The following ADAMTS3 variants were observed in gnomAD, a reference collection of about 807,000 sequenced individuals.
ADAMTS3 encodes the protein A disintegrin and metalloproteinase with thrombospondin motifs 3.
In ADAMTS3, 73 loss-of-function variants were observed where a neutral mutation model predicts 129.0. That is an observed-to-expected ratio of 0.57 (90% CI 0.47 to 0.69). The LOEUF is 0.69. Among genes scored for constraint, ADAMTS3 ranks in the 30% least tolerant of loss-of-function variants. The pLI is 0.00. For synonymous variants in ADAMTS3, 477 were observed against 510.8 expected, an observed-to-expected ratio of 0.93 and a Z score of 0.89; for missense variants, 1,457 against 1,514.5, an observed-to-expected ratio of 0.96 and a Z score of 0.63.
intron 3 of ADAMTS3, among the ~76,000 whole-genome samples, chr4:72,437,953 T>C (rs1402664690): frequency 6.6e-6 from 1 of 151,600 alleles, no homozygotes; most frequent in African/African-American, 2.4e-5. Context: ...GAAAGATGAG[T>C]TTAGCTTGAT....
Position 72,298,289 on chromosome 4 carries a change from GT to G in ADAMTS3, c.2577del (p.Lys859AsnfsTer52). ...WALKSWSQCS[K>X]PCGGGFQYTK... ...GTTCAATGGTTACCTCCACCACAGG[GT>G]TTGGAACACTGAGACCAGCTCTTCA... On this transcript the variant is annotated frameshift_variant, in exon 18 of 22. Transcript: ENST00000286657. LOFTEE classifies it high-confidence loss of function. The G allele has an allele frequency of 1.2e-6, 2 of 1,612,316 alleles. No individual in the cohort carries two copies. The highest frequency in any genetic ancestry group is 1.7e-6 in the Non-Finnish European group (2 of 1,178,858).
intron 10 of ADAMTS3, among the ~76,000 whole-genome samples, chr4:72,317,640 C>G (rs1345765078): frequency 6.6e-6 from 1 of 152,104 alleles, no homozygotes; most frequent in Non-Finnish European, 1.5e-5. Flanking sequence ...TTAATCCTCA[C>G]ACCAATCTTA....
At chr4:72,395,780 T>C (rs1437626494) in intron 4 of ADAMTS3, among the ~76,000 whole-genome samples, 2 of 152,124 alleles carry the variant, frequency 1.3e-5, no homozygotes, top group Non-Finnish European at 2.9e-5. Flanking sequence ...ATAGGATGCA[T>C]GTTCCATAAT....
chr4:72,465,817 T>C (rs6838862), intron 3 of ADAMTS3, among the ~76,000 whole-genome samples: 34,717 of 151,902 alleles, frequency 0.23, 4,406 homozygotes, highest in Non-Finnish European at 0.29. Context: ...GTTTCCCCCA[T>C]ACTGTTCTCA....
intron 3 of ADAMTS3, among the ~76,000 whole-genome samples, chr4:72,433,722 A>G (rs766215038): frequency 1.1e-4 from 17 of 151,926 alleles, no homozygotes; most frequent in Non-Finnish European, 1.9e-4. Context: ...TCTTGGTAAT[A>G]GTAAGCTTAC....
rs561028509 is a variant in ADAMTS3 at position 72,287,767 on chromosome 4, C to T, written c.3049+984G>A. ...GACAGCAAATGGAGACACAGATGAC[C>T]GAGCACAGGACAGACAGAGATGTGG... On this transcript the variant is annotated intron_variant, in intron 21 of 21. Transcript: ENST00000286657. Among the ~76,000 whole-genome samples the T allele has an allele frequency of 3.2e-4, 49 of 152,130 alleles. No individual in the cohort carries two copies. In the South Asian group the frequency reaches 9.5e-3, roughly 30 times the overall value.
At chr4:72,500,159 G>C (rs1719975007) in intron 3 of ADAMTS3, among the ~76,000 whole-genome samples, 1 of 152,098 alleles carries the variant, frequency 6.6e-6, no homozygotes, top group African/African-American at 2.4e-5. Flanking sequence ...AGACTGCTGG[G>C]TTGAATGGTA....
chr4:72,305,308 A>G (rs979002411), intron 16 of ADAMTS3, among the ~76,000 whole-genome samples: 5 of 152,228 alleles, frequency 3.3e-5, no homozygotes, highest in Admixed American at 1.3e-4. Flanking sequence ...AACCTGACAC[A>G]TGTCAGATAT....
intron 3 of ADAMTS3, among the ~76,000 whole-genome samples, chr4:72,453,393 T>C (rs1718458941): frequency 6.6e-6 from 1 of 151,804 alleles, no homozygotes; most frequent in Non-Finnish European, 1.5e-5. Context: ...GTTTACTGTG[T>C]AACATTCATT....
chr4:72,461,377 A>G (rs2109984064), intron 3 of ADAMTS3, among the ~76,000 whole-genome samples: 1 of 151,872 alleles, frequency 6.6e-6, no homozygotes, highest in South Asian at 2.1e-4. Flanking sequence ...TTGACAGGCT[A>G]TTTCTCATGC....
chr4:72,346,437 A>G (rs1720287491), intron 4 of ADAMTS3, among the ~76,000 whole-genome samples: 1 of 152,086 alleles, frequency 6.6e-6, no homozygotes, highest in Admixed American at 6.6e-5. Flanking sequence ...TAATTTGTCT[A>G]GAGATAACTT....
intron 5 of ADAMTS3, among the ~76,000 whole-genome samples, chr4:72,336,907 C>T (rs1455527174): frequency 1.3e-5 from 2 of 150,596 alleles, no homozygotes; most frequent in Non-Finnish European, 3.0e-5. Flanking sequence ...TGCCATATGT[C>T]CCTGGGAACT....
chr4:72,562,994 A>G (rs934840918), intron 2 of ADAMTS3, among the ~76,000 whole-genome samples: 3 of 152,154 alleles, frequency 2.0e-5, no homozygotes, highest in African/African-American at 4.8e-5. Context: ...GGCAATTTGG[A>G]ATGGTTCCTA....
chr4:72,568,618 AG>A lies in ADAMTS3; in HGVS notation c.69+75del, dbSNP rs1722082916. On this transcript the variant is annotated intron_variant, in intron 1 of 21. Transcript: ENST00000286657. ...TGGGAGGAGAAGGAGGAAAGAGAGG[AG>A]GGTAGAGAGGGGAGGAACTTTTCGG... 55 of 1,066,042 alleles carry A rather than the reference AG, an allele frequency of 5.2e-5. No homozygotes were observed. The South Asian group carries it at 7.2e-4, about 14-fold the overall frequency. The allele number at this position is 1,066,042 out of a possible 1,614,324, so 66.0% of individuals were successfully genotyped here.
chr4:72,298,549 C>T (rs1375866812), intron 17 of ADAMTS3, 107 bp from the exon 18 acceptor site: 1 of 784,282 alleles, frequency 1.3e-6, no homozygotes, highest in African/African-American at 1.7e-5. Flanking sequence ...TGAAAACTTT[C>T]AAATAGTTTC....
At chr4:72,459,580 A>G (rs541058221) in intron 3 of ADAMTS3, among the ~76,000 whole-genome samples, 1 of 151,690 alleles carries the variant, frequency 6.6e-6, no homozygotes, top group African/African-American at 2.4e-5. Flanking sequence ...AAGGAATAAT[A>G]ACAAGATTGA....
intron 4 of ADAMTS3, among the ~76,000 whole-genome samples, chr4:72,354,443 C>T (rs1720523769): frequency 6.6e-6 from 1 of 151,920 alleles, no homozygotes; most frequent in East Asian, 1.9e-4. Context: ...CAGTTTTTAA[C>T]CCTACTTTTC....
intron 3 of ADAMTS3, among the ~76,000 whole-genome samples, chr4:72,497,687 T>C (rs1484601706): frequency 6.6e-6 from 1 of 151,656 alleles, no homozygotes; most frequent in Non-Finnish European, 1.5e-5. Flanking sequence ...ATATTTAAAA[T>C]ATAACAAAGC....
chr4:72,493,904 C>G (rs990911343), intron 3 of ADAMTS3, among the ~76,000 whole-genome samples: 1 of 151,846 alleles, frequency 6.6e-6, no homozygotes, highest in African/African-American at 2.4e-5. Flanking sequence ...TCATACAAAT[C>G]ACTCCTGGAC....
Sources: gnomAD v4.1 joint callset for allele counts (sites outside exome capture counted in the v4.1 genomes callset) on GRCh38, gnomAD v4.1.1 for gene constraint, MANE v1.5 for transcripts, NCBI Gene and HGNC (gene_info 2026-07-23, HGNC 2026-07-21) for gene names.